The following DPP6 variants were observed in gnomAD, a reference collection of about 807,000 sequenced individuals.
DPP6 encodes the protein A-type potassium channel modulatory protein DPP6.
Under a neutral mutation model 122.6 loss-of-function variants are expected in DPP6, and 69 were observed. The observed-to-expected ratio is 0.56, with a 90% CI of 0.46 to 0.69. The LOEUF (loss-of-function observed/expected upper bound fraction) is 0.69, where lower values mean the gene tolerates loss of function less well. Ranked by LOEUF, DPP6 falls within the 30% of genes least tolerant of loss-of-function variation. The pLI is 0.00. For missense variants in DPP6, 928 were observed against 1,116.9 expected, an observed-to-expected ratio of 0.83 and a Z score of 2.41; for synonymous variants, 418 against 433.1, an observed-to-expected ratio of 0.97 and a Z score of 0.43.
chr7:154,218,596 G>T (rs897094378), intron 1 of DPP6, among the ~76,000 whole-genome samples: 2 of 152,112 alleles, frequency 1.3e-5, no homozygotes, highest in Admixed American at 6.6e-5. Flanking sequence ...GGTATTGCTG[G>T]CAGTACAGTA....
At chr7:153,944,097 C>T (rs58548160) in intron 1 of DPP6, among the ~76,000 whole-genome samples, 2,947 of 152,214 alleles carry the variant, frequency 0.019, 91 homozygotes, top group African/African-American at 0.067. Flanking sequence ...AATCATCCCC[C>T]GAATTATCAA....
intron 1 of DPP6, among the ~76,000 whole-genome samples, chr7:154,443,638 GGATGGATGGATGTGGATGAATA>G (rs905784804): frequency 2.0e-5 from 3 of 148,012 alleles, no homozygotes; most frequent in Non-Finnish European, 4.4e-5. Flanking sequence ...GAATGTGGAT[GGATGGATGGATGTGGATGAATA>G]GATGGATGGA....
chr7:154,874,638 C>A lies in DPP6; in HGVS notation c.1884-1268C>A, dbSNP rs181661159. Among the ~76,000 whole-genome samples the A allele has an allele frequency of 5.6e-3, 854 of 152,340 alleles. 7 individuals are homozygous for A. Among genetic ancestry groups the A allele is most frequent in the African/African-American group, 0.02 (816 of 41,580 alleles). ...GCCGCTCCTGGCCCGCTCCTCCTGC[C>A]CCCACCCCACTCCTCAGCCCTTGGC... On this transcript the variant is annotated intron_variant, in intron 19 of 25. Coordinates refer to ENST00000377770, the MANE Select transcript of DPP6 (RefSeq NM_130797.4).
intron 1 of DPP6, among the ~76,000 whole-genome samples, chr7:153,960,691 G>A (rs568440670): frequency 6.9e-6 from 1 of 145,846 alleles, no homozygotes; most frequent in African/African-American, 2.6e-5. Flanking sequence ...ACATGCGTGT[G>A]CATGTGTGTG....
intron 3 of DPP6, among the ~76,000 whole-genome samples, chr7:154,522,698 G>GAA (rs11392124): frequency 9.9e-5 from 15 of 151,214 alleles, no homozygotes; most frequent in South Asian, 4.2e-4. Flanking sequence ...CCAGACACGA[G>GAA]AAAAAAAAAT....
chr7:154,347,024 G>C (rs7790778), intron 1 of DPP6, among the ~76,000 whole-genome samples: 26,803 of 152,056 alleles, frequency 0.18, 4,409 homozygotes, highest in African/African-American at 0.44. Context: ...GAAATCAGTA[G>C]GTATCATGTA....
At chr7:154,252,967 A>G (rs1218629839) in intron 1 of DPP6, among the ~76,000 whole-genome samples, 1 of 152,242 alleles carries the variant, frequency 6.6e-6, no homozygotes, top group African/African-American at 2.4e-5. Flanking sequence ...AAAAATCTCT[A>G]CTAAGACAAA....
intron 1 of DPP6, among the ~76,000 whole-genome samples, chr7:154,273,430 GCTTACTCTCA>G (rs1457767341): frequency 6.6e-6 from 1 of 152,148 alleles, no homozygotes; most frequent in Non-Finnish European, 1.5e-5. Flanking sequence ...AACAAGACAC[GCTTACTCTCA>G]CCATTAGGAT....
chr7:154,640,408 A>G (rs1327029389), intron 6 of DPP6, among the ~76,000 whole-genome samples: 3 of 152,280 alleles, frequency 2.0e-5, no homozygotes, highest in African/African-American at 4.8e-5. Flanking sequence ...TTATTGGAAA[A>G]CAACCTCTGG....
chr7:154,124,206 A>G lies in DPP6; in HGVS notation c.243+71143A>G, dbSNP rs150905141. Among the ~76,000 whole-genome samples, 921 of 152,352 alleles carry G rather than the reference A, an allele frequency of 6.0e-3. 15 individuals carry two copies. Among genetic ancestry groups the G allele is most frequent in the African/African-American group, 0.021 (888 of 41,580 alleles). ...TTTCAAGTCTTTGCTATCATCATGA[A>G]GAAATATGCAGGGTGCTGGCTGTGC... On this transcript the variant is annotated intron_variant, in intron 1 of 25. Transcript: ENST00000377770.
intron 1 of DPP6, among the ~76,000 whole-genome samples, chr7:154,343,376 G>A (rs1403584152): frequency 6.6e-6 from 1 of 152,214 alleles, no homozygotes; most frequent in Non-Finnish European, 1.5e-5. Context: ...AAGTGCACAG[G>A]CAGCGTCAGT....
intron 3 of DPP6, among the ~76,000 whole-genome samples, chr7:154,499,404 C>T (rs189432802): frequency 1.8e-4 from 27 of 152,244 alleles, no homozygotes; most frequent in Non-Finnish European, 1.2e-4. Context: ...GTTCATATTC[C>T]ACGAGGCAAG....
chr7:154,655,547 T>C (rs191065670), intron 6 of DPP6, among the ~76,000 whole-genome samples: 211 of 152,360 alleles, frequency 1.4e-3, no homozygotes, highest in Admixed American at 3.9e-3. Context: ...GGCCACTACA[T>C]AGCCCCAAAG....
intron 10 of DPP6, among the ~76,000 whole-genome samples, chr7:154,779,025 C>T (rs1796806668): frequency 9.0e-6 from 1 of 111,610 alleles, no homozygotes; most frequent in Admixed American, 9.9e-5. Flanking sequence ...CCCACCATCA[C>T]CTCCACCACC....
chr7:154,625,498 A>G (rs780809522), intron 5 of DPP6, among the ~76,000 whole-genome samples: 4 of 152,194 alleles, frequency 2.6e-5, no homozygotes, highest in Non-Finnish European at 5.9e-5. Context: ...AAGCACAGGT[A>G]GATGTTTGTC....
chr7:153,901,283 T>A (rs1799629205), intron 1 of DPP6, among the ~76,000 whole-genome samples: 3 of 152,220 alleles, frequency 2.0e-5, no homozygotes, highest in Admixed American at 2.0e-4. Flanking sequence ...AGGTCCACCC[T>A]GCAAATATAT....
At chr7:153,968,665 C>T (rs1053746197) in intron 1 of DPP6, 1 of 151,680 alleles carries the variant, frequency 6.6e-6, no homozygotes, top group Non-Finnish European at 1.5e-5. Context: ...AATTTCCTAC[C>T]ACCACTCCAT....
intron 1 of DPP6, among the ~76,000 whole-genome samples, chr7:154,442,485 AAATGAAGATGAAGGG>A (rs1819468173): frequency 1.0e-5 from 1 of 96,222 alleles, no homozygotes; most frequent in Non-Finnish European, 1.9e-5. Context: ...TTGCCTGGCA[AAATGAAGATGAAGGG>A]AAATTCCAGG....
At chr7:154,715,608 G>A (rs927013001) in intron 7 of DPP6, among the ~76,000 whole-genome samples, 4 of 152,206 alleles carry the variant, frequency 2.6e-5, no homozygotes, top group Admixed American at 1.3e-4. Context: ...GCCGTCAAAT[G>A]TGAGGAACTT....
Sources: gnomAD v4.1 joint callset for allele counts (sites outside exome capture counted in the v4.1 genomes callset) on GRCh38, gnomAD v4.1.1 for gene constraint, MANE v1.5 for transcripts, NCBI Gene and HGNC (gene_info 2026-07-23, HGNC 2026-07-21) for gene names.